The following TRAK2 variants were observed in gnomAD, a reference collection of about 807,000 sequenced individuals.
TRAK2 encodes the protein trafficking kinesin-binding protein 2.
In TRAK2, 81 loss-of-function variants were observed where a neutral mutation model predicts 104.6. The ratio of observed to expected loss-of-function variants is 0.77; its 90% CI spans 0.65 to 0.93. TRAK2 has a LOEUF of 0.93. TRAK2 is among the 40% of genes least tolerant of loss of function. The probability of loss-of-function intolerance (pLI) is 0.00; values close to 1 mark genes in which losing one functional copy is unlikely to be tolerated. For missense variants in TRAK2, 1,002 were observed against 1,089.0 expected, an observed-to-expected ratio of 0.92 and a Z score of 1.12; for synonymous variants, 406 against 394.4, an observed-to-expected ratio of 1.03 and a Z score of -0.35.
intron 1 of TRAK2, among the ~76,000 whole-genome samples, chr2:201,446,782 C>T (rs893716070): frequency 6.6e-6 from 1 of 152,162 alleles, no homozygotes; most frequent in African/African-American, 2.4e-5. Context: ...GTGTCAGCAC[C>T]ATAAAAGTGT....
rs372613333 is a variant in TRAK2 at position 201,393,049 on chromosome 2, A to G, written c.976-3T>C. The G allele has an allele frequency of 1.3e-4, 215 of 1,608,702 alleles. 1 individual carries two copies. Among genetic ancestry groups the G allele is most frequent in the Non-Finnish European group, 1.8e-4 (207 of 1,177,414 alleles). The stretch of plus-strand genomic sequence containing the variant: ...TTCCTGTCTTGTAACTCGTGCAGCT[A>G]AAAGAAAGGATGGTAGTGTACTTTA... On this transcript the variant is annotated splice_region_variant and splice_polypyrimidine_tract_variant and intron_variant, in intron 9 of 15. Transcript: ENST00000332624.
intron 12 of TRAK2, among the ~76,000 whole-genome samples, chr2:201,388,241 T>C (rs1303051392): frequency 6.6e-6 from 1 of 152,212 alleles, no homozygotes; most frequent in African/African-American, 2.4e-5. Flanking sequence ...TATTCTGTGT[T>C]TTCTGAATTT....
chr2:201,416,586 T>C (rs908134221), intron 2 of TRAK2, among the ~76,000 whole-genome samples: 10 of 152,128 alleles, frequency 6.6e-5, no homozygotes, highest in Non-Finnish European at 1.3e-4. Flanking sequence ...CCTTTTATTT[T>C]CATAATTTAT....
intron 1 of TRAK2, chr2:201,433,500 C>T (rs925678826): frequency 6.6e-6 from 1 of 152,166 alleles, no homozygotes; most frequent in Non-Finnish European, 1.5e-5. Context: ...TAAATCCATT[C>T]GTTTAAACGT....
At chr2:201,411,429 G>C (rs6760006) in intron 2 of TRAK2, 49,644 of 744,696 alleles carry the variant, frequency 0.067, 4,597 homozygotes, top group East Asian at 0.27. Context: ...TGTAACTTTT[G>C]TCTCCTCAGA....
At chr2:201,424,604 G>GA (rs1553623569) in intron 1 of TRAK2, among the ~76,000 whole-genome samples, 1 of 144,404 alleles carries the variant, frequency 6.9e-6, no homozygotes, top group Non-Finnish European at 1.5e-5. Flanking sequence ...GTTTGTTTTT[G>GA]TTTTTTTTTT....
At chr2:201,430,187 G>C (rs1951829544) in intron 1 of TRAK2, among the ~76,000 whole-genome samples, 1 of 152,232 alleles carries the variant, frequency 6.6e-6, no homozygotes, top group Admixed American at 6.5e-5. Context: ...CCTTCCTCTG[G>C]AAGCTTTGTC....
Position 201,384,106 on chromosome 2 carries a change from C to T in TRAK2, c.2069+5G>A. Reference sequence around the variant, plus strand: ...TGAGGCCCCAGATTTCCCAGGCACTCTTACCTGGGGGTAACCTGAGTGATG... The same window carrying T: ...TGAGGCCCCAGATTTCCCAGGCACTTTTACCTGGGGGTAACCTGAGTGATG... On this transcript the variant is annotated splice_donor_5th_base_variant and intron_variant, in intron 15 of 15. Transcript: ENST00000332624. 1 of 1,593,034 alleles carries T rather than the reference C, an allele frequency of 6.3e-7. No homozygotes were observed. The highest frequency in any genetic ancestry group is 8.6e-7 in the Non-Finnish European group (1 of 1,167,064).
chr2:201,434,655 C>A (rs1951868716), intron 1 of TRAK2, among the ~76,000 whole-genome samples: 1 of 152,090 alleles, frequency 6.6e-6, no homozygotes, highest in African/African-American at 2.4e-5. Flanking sequence ...TAAAAGAACA[C>A]CAAACTCTTA....
chr2:201,379,224 T>C lies in TRAK2; in HGVS notation c.*1319A>G, dbSNP rs571659216. ...CATTGAGAAAAAACAGATCTACTTC[T>C]TTCCATTTCTTAGCCTGTGTCAACT... On this transcript the variant is annotated 3_prime_UTR_variant, in exon 16 of 16. Transcript: ENST00000332624. The C allele has an allele frequency of 4.6e-5, 7 of 152,204 alleles. No homozygotes were observed. The highest frequency in any genetic ancestry group is 8.8e-5 in the Non-Finnish European group (6 of 68,030). 9.4% of individuals were successfully genotyped at this position (152,204 alleles called of 1,614,324 possible).
chr2:201,407,085 A>C (rs1249886268), intron 3 of TRAK2, among the ~76,000 whole-genome samples: 2 of 152,236 alleles, frequency 1.3e-5, no homozygotes, highest in Admixed American at 1.3e-4. Context: ...ATAAATGTTG[A>C]CAGTTATAAA....
At chr2:201,395,634 C>A in intron 7 of TRAK2, among the ~76,000 whole-genome samples, 190 bp from the exon 8 acceptor site, 1 of 151,912 alleles carries the variant, frequency 6.6e-6, no homozygotes, top group East Asian at 1.9e-4. Flanking sequence ...TAGGCAAATG[C>A]TGGGAACAGA....
At chr2:201,427,470 C>G (rs1030160080) in intron 1 of TRAK2, among the ~76,000 whole-genome samples, 8 of 152,128 alleles carry the variant, frequency 5.3e-5, no homozygotes, top group African/African-American at 1.7e-4. Context: ...TGGTTTCCAG[C>G]TTCATCCATG....
intron 1 of TRAK2, among the ~76,000 whole-genome samples, chr2:201,421,563 T>TG (rs1951740526): frequency 6.7e-6 from 1 of 149,424 alleles, no homozygotes; most frequent in Non-Finnish European, 1.5e-5. Context: ...AGATGTCCCC[T>TG]GGGGTGGGGG....
Position 201,397,575 on chromosome 2 carries a change from A to T in TRAK2, c.696T>A (p.Cys232Ter). 6.2e-7 allele frequency: 1 copy of T among 1,611,216 alleles called. No homozygotes were observed. The highest frequency in any genetic ancestry group is 8.5e-7 in the Non-Finnish European group (1 of 1,178,096). Reference protein sequence around the residue: ...EENMALRSKACHIKTETVTYE... With the variant: ...EENMALRSKA ...AGGTAACAGTTTCTGTCTTTATGTG[A>T]CAAGCCTTCAAGAAAAAAATCAGTA... Residue 232 changes from cysteine to a stop codon, truncating the protein, a stop_gained, in exon 7 of 16, where the codon TGT becomes TGA. Transcript: ENST00000332624. LOFTEE classifies it high-confidence loss of function.
chr2:201,389,658 C>A, intron 11 of TRAK2, 143 bp downstream of exon 11: 1 of 1,086,212 alleles, frequency 9.2e-7, no homozygotes, highest in Admixed American at 2.3e-5. Context: ...AGAACTCTCT[C>A]ACAAAAAAAG....
intron 3 of TRAK2, among the ~76,000 whole-genome samples, chr2:201,402,313 T>C (rs1393987693): frequency 6.6e-6 from 1 of 152,104 alleles, no homozygotes; most frequent in African/African-American, 2.4e-5. Context: ...TCATTAGATA[T>C]GTTTTACTTT....
At chr2:201,415,099 C>CGT (rs1553622810) in intron 2 of TRAK2, among the ~76,000 whole-genome samples, 1 of 151,140 alleles carries the variant, frequency 6.6e-6, no homozygotes, top group Non-Finnish European at 1.5e-5. Flanking sequence ...ATGTCTCCTT[C>CGT]ATGTCCATTT....
At chr2:201,424,538 T>C (rs1050166647) in intron 1 of TRAK2, among the ~76,000 whole-genome samples, 2 of 152,014 alleles carry the variant, frequency 1.3e-5, no homozygotes, top group Non-Finnish European at 2.9e-5. Context: ...ATCTAGTGCA[T>C]GGTCAGCAAA....
Sources: allele counts gnomAD v4.1 joint callset (sites outside exome capture counted in the v4.1 genomes callset), GRCh38; gene constraint gnomAD v4.1.1; transcripts MANE v1.5; gene names NCBI Gene and HGNC (gene_info 2026-07-23, HGNC 2026-07-21).